Variants in ACBD6 observed in about 807,000 individuals in gnomAD.
ACBD6 encodes the protein acyl-CoA binding domain containing 6.
Under a neutral mutation model 37.2 loss-of-function variants are expected in ACBD6, and 28 were observed. That is an observed-to-expected ratio of 0.75 (90% CI 0.56 to 1.03). The LOEUF (loss-of-function observed/expected upper bound fraction) is 1.03, where lower values mean the gene tolerates loss of function less well. ACBD6 is among the 50% of genes least tolerant of loss of function. The pLI is 0.00. For synonymous variants in ACBD6, 113 were observed against 126.8 expected (o/e 0.89, Z 0.73); for missense variants, 340 against 337.4 (o/e 1.01, Z -0.06).
intron 6 of ACBD6, among the ~76,000 whole-genome samples, chr1:180,335,493 C>T (rs1571375368): frequency 6.6e-6 from 1 of 152,092 alleles, no homozygotes; most frequent in Non-Finnish European, 1.5e-5. Context: ...GCCTGCTTTA[C>T]AACAGCTCCT....
In ACBD6 at chr1:180,430,610, C is replaced by G. The variant is rs149595083; in HGVS notation, c.385-348G>C. On this transcript the variant is annotated intron_variant, in intron 3 of 7. Transcript: ENST00000367595. ...AATAAATCCCAGACATGAATGTGAT[C>G]AGCAAAATCGTATCTAGATTTATAA... 5.5e-3 allele frequency among the ~76,000 whole-genome samples: 831 copies of G among 150,896 alleles called. 7 individuals are homozygous for G. Among genetic ancestry groups the G allele is most frequent in the African/African-American group, 0.019 (787 of 41,046 alleles).
chr1:180,433,042 T>C (rs1331942524), intron 3 of ACBD6, among the ~76,000 whole-genome samples: 1 of 152,162 alleles, frequency 6.6e-6, no homozygotes, highest in East Asian at 1.9e-4. Flanking sequence ...AAGGGAACAC[T>C]TCTAACTCAT....
chr1:180,399,902 T>TA (rs1384766675), intron 5 of ACBD6, among the ~76,000 whole-genome samples: 1 of 13,310 alleles, frequency 7.5e-5, no homozygotes, highest in Admixed American at 9.4e-4. Flanking sequence ...TGACAAGAGT[T>TA]ATACATAGTT....
intron 6 of ACBD6, among the ~76,000 whole-genome samples, chr1:180,376,415 G>A (rs540785776): frequency 6.6e-5 from 10 of 152,234 alleles, no homozygotes; most frequent in South Asian, 2.1e-4. Context: ...ATTGCAAAGC[G>A]TTAGACATTA....
At chr1:180,271,822 G>A in exon 14 of ACBD6, 1 of 1,613,854 alleles carries the variant, frequency 6.2e-7, no homozygotes, top group Non-Finnish European at 8.5e-7. Flanking sequence ...TGTCCCTTGT[G>A]CTTGTGTGGC....
At chr1:180,346,845 C>T (rs1384711567) in intron 6 of ACBD6, among the ~76,000 whole-genome samples, 1 of 151,910 alleles carries the variant, frequency 6.6e-6, no homozygotes, top group African/African-American at 2.4e-5. Flanking sequence ...TGGCAAGACC[C>T]CATCTACAAA....
At chr1:180,458,367 C>A (rs1650000331) in intron 3 of ACBD6, among the ~76,000 whole-genome samples, 1 of 152,184 alleles carries the variant, frequency 6.6e-6, no homozygotes, top group Non-Finnish European at 1.5e-5. Context: ...CTGTCTTAAA[C>A]ACTGAGCTCA....
At chr1:180,311,680 G>C (rs994173476) in intron 7 of ACBD6, among the ~76,000 whole-genome samples, 1 of 152,202 alleles carries the variant, frequency 6.6e-6, no homozygotes, top group East Asian at 1.9e-4. Context: ...CAGCTGGGAG[G>C]AGAGGGAGCT....
chr1:180,418,857 A>G (rs1648211704), intron 4 of ACBD6, among the ~76,000 whole-genome samples: 1 of 152,258 alleles, frequency 6.6e-6, no homozygotes, highest in African/African-American at 2.4e-5. Flanking sequence ...AATCCCTGGA[A>G]GAGGCAAAAC....
chr1:180,492,567 T>C (rs1651547765), intron 2 of ACBD6, among the ~76,000 whole-genome samples: 2 of 152,198 alleles, frequency 1.3e-5, no homozygotes, highest in African/African-American at 4.8e-5. Flanking sequence ...AAGCAGTCTT[T>C]TCAGACATTT....
chr1:180,459,149 T>TGAAC (rs1650030240), intron 3 of ACBD6, among the ~76,000 whole-genome samples: 1 of 152,188 alleles, frequency 6.6e-6, no homozygotes, highest in Non-Finnish European at 1.5e-5. Context: ...AATCTGGTAG[T>TGAAC]CTAACAGATA....
chr1:180,483,142 T>C (rs1200567123), intron 3 of ACBD6, among the ~76,000 whole-genome samples: 1 of 152,194 alleles, frequency 6.6e-6, no homozygotes, highest in Non-Finnish European at 1.5e-5. Context: ...ATTCAGTCCT[T>C]ATTGCAGTTT....
At chr1:180,413,684 A>G (rs1647957716) in intron 4 of ACBD6, among the ~76,000 whole-genome samples, 1 of 152,162 alleles carries the variant, frequency 6.6e-6, no homozygotes, top group Non-Finnish European at 1.5e-5. Flanking sequence ...ACAGGATAAG[A>G]GAATAAAGTG....
At chr1:180,404,990 G>A (rs992391197) in intron 5 of ACBD6, among the ~76,000 whole-genome samples, 10 of 152,082 alleles carry the variant, frequency 6.6e-5, no homozygotes, top group East Asian at 3.9e-4. Context: ...GCAAATAAGC[G>A]TAATAGACAA....
chr1:180,297,620 G>A (rs2149281827), intron 7 of ACBD6, among the ~76,000 whole-genome samples: 1 of 152,248 alleles, frequency 6.6e-6, no homozygotes, highest in African/African-American at 2.4e-5. Context: ...TCATCTTGAG[G>A]GATGCCACAG....
At chr1:180,477,617 A>G (rs542088379) in intron 3 of ACBD6, among the ~76,000 whole-genome samples, 24 of 152,320 alleles carry the variant, frequency 1.6e-4, no homozygotes, top group African/African-American at 5.3e-4. Flanking sequence ...ATAATTTAAA[A>G]AACAGATAAA....
At chr1:180,396,166 G>A (rs745863434) in intron 6 of ACBD6, among the ~76,000 whole-genome samples, 4 of 152,130 alleles carry the variant, frequency 2.6e-5, no homozygotes, top group Admixed American at 2.0e-4. Context: ...GGAAATTAGT[G>A]TTTAATGGTT....
chr1:180,312,201 T>C (rs1650620779), intron 7 of ACBD6, among the ~76,000 whole-genome samples: 1 of 152,214 alleles, frequency 6.6e-6, no homozygotes, highest in African/African-American at 2.4e-5. Context: ...AGTCTTCCTA[T>C]TCATTAACGT....
chr1:180,403,190 A>T (rs1647453503), intron 5 of ACBD6, among the ~76,000 whole-genome samples: 1 of 152,186 alleles, frequency 6.6e-6, no homozygotes, highest in South Asian at 2.1e-4. Context: ...TGGGATTAAA[A>T]GAAAACAGTG....
Sources: allele counts gnomAD v4.1 joint callset (sites outside exome capture counted in the v4.1 genomes callset), GRCh38; gene constraint gnomAD v4.1.1; transcripts MANE v1.5; gene names NCBI Gene and HGNC (gene_info 2026-07-23, HGNC 2026-07-21).